OSBPL9: variants seen among roughly 807,000 people sequenced by gnomAD.
The protein encoded by OSBPL9 is oxysterol-binding protein-related protein 9.
Under a neutral mutation model 106.6 loss-of-function variants are expected in OSBPL9, and 40 were observed. The ratio of observed to expected loss-of-function variants is 0.38; its 90% CI spans 0.29 to 0.49. OSBPL9 has a LOEUF of 0.49. OSBPL9 is among the 20% of genes least tolerant of loss of function. The pLI is 0.97. For synonymous variants in OSBPL9, 269 were observed against 295.4 expected, an observed-to-expected ratio of 0.91 and a Z score of 0.92; for missense variants, 609 against 887.2, an observed-to-expected ratio of 0.69 and a Z score of 3.98.
chr1:51,635,394 C>T (rs1645367442), intron 1 of OSBPL9, among the ~76,000 whole-genome samples: 1 of 152,150 alleles, frequency 6.6e-6, no homozygotes, highest in Admixed American at 6.6e-5. Context: ...GGTGTTTGCA[C>T]CTCGCTGTTA....
rs1285614878 is a variant in OSBPL9, at chr1:51,581,929, G to A, written c.-423+4673G>A. Among the ~76,000 whole-genome samples the A allele has an allele frequency of 3.3e-5, 5 of 152,146 alleles. No homozygotes were observed. In the East Asian group the frequency reaches 9.6e-4, roughly 29 times the overall value. ...ACTTCCTTACTTTCTAGAACTATACGACGCTCAAGGCTCATCTTGTATGTT... is the reference window on the plus strand; with the variant it reads ...ACTTCCTTACTTTCTAGAACTATACAACGCTCAAGGCTCATCTTGTATGTT... On this transcript the variant is annotated intron_variant, in intron 1 of 25. Coordinates refer to the OSBPL9 transcript ENST00000371714.
At chr1:51,562,204 G>C in the OSBPL9 span, among the ~76,000 whole-genome samples, 3 of 152,148 alleles carry the variant, frequency 2.0e-5, no homozygotes, top group Non-Finnish European at 2.9e-5. Context: ...TTGGATCATG[G>C]GGGCAGAGTT....
chr1:51,737,857 C>T (rs1425237669), intron 4 of OSBPL9, among the ~76,000 whole-genome samples: 1 of 151,950 alleles, frequency 6.6e-6, no homozygotes, highest in Non-Finnish European at 1.5e-5. Context: ...ACATTTGTGT[C>T]TTAAAAATCC....
In OSBPL9 at chr1:51,788,155, TAC is replaced by T. The variant is rs71247587; in HGVS notation, c.*382_*383del. The T allele has an allele frequency of 7.0e-3, 1,617 of 231,744 alleles. No homozygotes were observed. Among genetic ancestry groups the T allele is most frequent in the South Asian group, 0.013 (197 of 15,258 alleles). 14.4% of individuals were successfully genotyped at this position (231,744 alleles called of 1,614,324 possible). On this transcript the variant is annotated 3_prime_UTR_variant, in exon 24 of 24. Transcript: ENST00000428468. ...TTTCTTAGTTCATATAATCTCGGGA[TAC>T]ACACACACACACACATATATATACA...
intron 1 of OSBPL9, among the ~76,000 whole-genome samples, chr1:51,597,935 A>T (rs1013849330): frequency 6.6e-6 from 1 of 152,232 alleles, no homozygotes; most frequent in Non-Finnish European, 1.5e-5. Flanking sequence ...TTCTCAGGCC[A>T]GTTAGGGACA....
At chr1:51,769,371 A>T (rs1673333324) in intron 12 of OSBPL9, among the ~76,000 whole-genome samples, 1 of 152,224 alleles carries the variant, frequency 6.6e-6, no homozygotes, top group African/African-American at 2.4e-5. Context: ...ATTAGATAAA[A>T]GTACATGTTG....
At chr1:51,649,584 T>G (rs756753341) in intron 1 of OSBPL9, among the ~76,000 whole-genome samples, 6 of 152,126 alleles carry the variant, frequency 3.9e-5, no homozygotes, top group Non-Finnish European at 8.8e-5. Flanking sequence ...GATTTCTTTT[T>G]TCTTTCTTTC....
intron 2 of OSBPL9, among the ~76,000 whole-genome samples, chr1:51,666,037 A>G (rs1398744092): frequency 6.6e-6 from 1 of 151,992 alleles, no homozygotes; most frequent in African/African-American, 2.4e-5. Context: ...TAGTAGAGAC[A>G]GGGTTTCAAC....
intron 1 of OSBPL9, among the ~76,000 whole-genome samples, chr1:51,618,906 T>G (rs948081301): frequency 6.6e-6 from 1 of 152,216 alleles, no homozygotes; most frequent in Non-Finnish European, 1.5e-5. Context: ...AGGAGAAAAG[T>G]GTAAGTTGTG....
intron 2 of OSBPL9, among the ~76,000 whole-genome samples, chr1:51,607,828 G>A (rs912156769): frequency 2.2e-4 from 33 of 152,222 alleles, no homozygotes; most frequent in Non-Finnish European, 4.6e-4. Context: ...GAGCAGGAAT[G>A]AAAGTTTATT....
intron 4 of OSBPL9, among the ~76,000 whole-genome samples, chr1:51,736,033 TC>T (rs1482373554): frequency 2.0e-5 from 3 of 152,198 alleles, no homozygotes; most frequent in Non-Finnish European, 4.4e-5. Flanking sequence ...AAGAACTAGT[TC>T]CTTGATTACT....
At chr1:51,750,994 A>G (rs1353080316) in intron 8 of OSBPL9, among the ~76,000 whole-genome samples, 1 of 152,244 alleles carries the variant, frequency 6.6e-6, no homozygotes, top group Non-Finnish European at 1.5e-5. Flanking sequence ...TAATGACACA[A>G]TAGCATAGGA....
chr1:51,664,065 A>G (rs1205132990), intron 2 of OSBPL9, among the ~76,000 whole-genome samples: 1 of 152,234 alleles, frequency 6.6e-6, no homozygotes, highest in Non-Finnish European at 1.5e-5. Context: ...GGACGATTTG[A>G]TAGTATCTCC....
the OSBPL9 span, among the ~76,000 whole-genome samples, chr1:51,568,254 C>A: frequency 2.0e-5 from 3 of 152,238 alleles, no homozygotes; most frequent in African/African-American, 7.2e-5. Context: ...CAACCAGAAA[C>A]CCCTTCTGTG....
At chr1:51,578,653 TG>T (rs112408102) in intron 1 of OSBPL9, among the ~76,000 whole-genome samples, 24,042 of 152,152 alleles carry the variant, frequency 0.16, 3,675 homozygotes, top group African/African-American at 0.4. Flanking sequence ...ACCCTTGTTT[TG>T]GGCTCATTAA....
At chr1:51,707,793 CT>C in intron 3 of OSBPL9, 1 of 172,722 alleles carries the variant, frequency 5.8e-6, no homozygotes, top group Non-Finnish European at 1.2e-5. Context: ...GATGAAGACC[CT>C]TTTGGCTCTC....
chr1:51,555,309 G>A, the OSBPL9 span, among the ~76,000 whole-genome samples: 1 of 151,900 alleles, frequency 6.6e-6, no homozygotes, highest in Non-Finnish European at 1.5e-5. Flanking sequence ...GACCAACATG[G>A]CGAAACCCTG....
chr1:51,558,330 C>T, the OSBPL9 span, among the ~76,000 whole-genome samples: 1 of 152,034 alleles, frequency 6.6e-6, no homozygotes, highest in Non-Finnish European at 1.5e-5. Flanking sequence ...CAAACCCCCT[C>T]CTTCCTTGCT....
At chr1:51,576,259 C>T (rs1039063173), upstream of OSBPL9, among the ~76,000 whole-genome samples, 1 of 152,172 alleles carries the variant, frequency 6.6e-6, no homozygotes, top group African/African-American at 2.4e-5. Flanking sequence ...GTCTTGGTGA[C>T]CACCTCTGTC....
Sources: gnomAD v4.1 joint callset for allele counts (sites outside exome capture counted in the v4.1 genomes callset) on GRCh38, gnomAD v4.1.1 for gene constraint, MANE v1.5 for transcripts, NCBI Gene and HGNC (gene_info 2026-07-23, HGNC 2026-07-21) for gene names.